EMCN: variants seen among roughly 807,000 people sequenced by gnomAD.
EMCN encodes MUC-14.
Under a neutral mutation model 38.4 loss-of-function variants are expected in EMCN, and 37 were observed. The observed-to-expected ratio is 0.96, with a 90% CI of 0.74 to 1.27. The LOEUF is 1.27. Among genes scored for constraint, EMCN ranks in the 50% most tolerant of loss-of-function variants. The probability of loss-of-function intolerance (pLI) is 0.00; values close to 1 mark genes in which losing one functional copy is unlikely to be tolerated. For synonymous variants in EMCN, 95 were observed against 100.8 expected, an observed-to-expected ratio of 0.94 and a Z score of 0.35; for missense variants, 318 against 302.8, an observed-to-expected ratio of 1.05 and a Z score of -0.37.
chr4:100,466,631 A>C (rs77614928), intron 3 of EMCN, among the ~76,000 whole-genome samples: 191 of 152,344 alleles, frequency 1.3e-3, no homozygotes, highest in African/African-American at 4.4e-3. Flanking sequence ...AAATAGCCAC[A>C]CATTTCAGAG....
intron 3 of EMCN, among the ~76,000 whole-genome samples, chr4:100,466,953 G>C (rs1279538231): frequency 6.6e-6 from 1 of 151,964 alleles, no homozygotes; most frequent in East Asian, 1.9e-4. Context: ...GAGTTCCCTA[G>C]TATCAAGCAG....
intron 3 of EMCN, 28 bp from the exon 4 acceptor site, chr4:100,465,567 A>C (rs573726420): frequency 1.6e-6 from 2 of 1,237,686 alleles, no homozygotes; most frequent in South Asian, 3.0e-5. Context: ...AGTCATCAGG[A>C]GTATAACAAA....
In EMCN at chr4:100,469,648, G is replaced by T. The variant is rs954336972; in HGVS notation, c.260-4109C>A. On this transcript the variant is annotated intron_variant, in intron 3 of 11. Coordinates refer to ENST00000296420, the MANE Select transcript of EMCN (RefSeq NM_016242.4). ...GGTACAGTTTTAATCTTCTGCATATGGCTAGCCAATTATTCCAGCTTCATT... is the reference window on the plus strand; with the variant it reads ...GGTACAGTTTTAATCTTCTGCATATTGCTAGCCAATTATTCCAGCTTCATT... Among the ~76,000 whole-genome samples, 22 of 61,262 alleles carry T rather than the reference G, an allele frequency of 3.6e-4. 5 individuals carry two copies. In the South Asian group the frequency reaches 5.1e-3, roughly 14 times the overall value. 40.2% of individuals were successfully genotyped at this position (61,262 alleles called of 152,430 possible). A position where few individuals can be genotyped will look rare whatever the true frequency, so the allele number is the denominator to read the frequency against.
intron 6 of EMCN, 110 bp from the exon 7 acceptor site, chr4:100,423,190 CAA>C: frequency 7.5e-7 from 1 of 1,332,486 alleles, no homozygotes; most frequent in African/African-American, 1.4e-5. Flanking sequence ...TATGATGCTG[CAA>C]GTGCAAAAGA....
chr4:100,404,451 C>G (rs1245845790), intron 11 of EMCN, among the ~76,000 whole-genome samples: 2 of 152,048 alleles, frequency 1.3e-5, no homozygotes, highest in African/African-American at 4.8e-5. Context: ...GTACTAGTTA[C>G]TGTAGAGTTG....
chr4:100,440,080 A>G (rs2110235743), intron 5 of EMCN, among the ~76,000 whole-genome samples: 1 of 152,280 alleles, frequency 6.6e-6, no homozygotes, highest in East Asian at 1.9e-4. Context: ...TGTGAACTAA[A>G]GAAAAATGTG....
At chr4:100,496,428 T>C (rs972627745) in intron 1 of EMCN, among the ~76,000 whole-genome samples, 1 of 152,212 alleles carries the variant, frequency 6.6e-6, no homozygotes, top group Non-Finnish European at 1.5e-5. Context: ...CAGAAATGTA[T>C]GTCCAAAACT....
At chr4:100,456,950 A>C (rs576754442) in intron 4 of EMCN, among the ~76,000 whole-genome samples, 1 of 152,212 alleles carries the variant, frequency 6.6e-6, no homozygotes. Flanking sequence ...TGTGTTTTTC[A>C]CTAAATGTTT....
rs575245052 is a variant in EMCN at position 100,489,797 on chromosome 4, A to G, written c.65-9758T>C. Among the ~76,000 whole-genome samples the G allele has an allele frequency of 8.1e-4, 124 of 152,276 alleles. 1 individual carries two copies. Among genetic ancestry groups the G allele is most frequent in the African/African-American group, 2.6e-3 (109 of 41,566 alleles). ...TGTGGATACGGAAGACCAGCTTTTCATATCTGTGGGCTCCACAAGGCCGAC... is the reference window on the plus strand; with the variant it reads ...TGTGGATACGGAAGACCAGCTTTTCGTATCTGTGGGCTCCACAAGGCCGAC... On this transcript the variant is annotated intron_variant, in intron 1 of 11. Coordinates refer to ENST00000296420, the MANE Select transcript of EMCN (RefSeq NM_016242.4).
chr4:100,416,650 A>G (rs1726743648), intron 9 of EMCN, among the ~76,000 whole-genome samples: 1 of 152,172 alleles, frequency 6.6e-6, no homozygotes, highest in Admixed American at 6.5e-5. Context: ...ATGAAAATCA[A>G]TTCATCATGT....
At chr4:100,404,576 G>A (rs1484264925) in intron 11 of EMCN, among the ~76,000 whole-genome samples, 2 of 152,006 alleles carry the variant, frequency 1.3e-5, no homozygotes, top group African/African-American at 4.8e-5. Context: ...CTGTGTGTCT[G>A]TTTTTGTATC....
chr4:100,410,171 C>A (rs1726511896), intron 11 of EMCN, 111 bp downstream of exon 11: 1 of 809,234 alleles, frequency 1.2e-6, no homozygotes, highest in Non-Finnish European at 2.0e-6. Context: ...TGCATTGACA[C>A]AAACCATTAG....
rs185935387 is a variant in EMCN at position 100,495,520 on chromosome 4, T to C, written c.65-15481A>G. Among the ~76,000 whole-genome samples, 3 of 152,238 alleles carry C rather than the reference T, an allele frequency of 2.0e-5. No individual in the cohort carries two copies. In the East Asian group the frequency reaches 5.8e-4, roughly 29 times the overall value. On this transcript the variant is annotated intron_variant, in intron 1 of 11. Transcript: ENST00000296420. ...ACTACCATTAGAACAGAGTTAACAT[T>C]TGTAAACTGATTTTTCTGGTTTTGA...
intron 9 of EMCN, among the ~76,000 whole-genome samples, 177 bp from the exon 10 acceptor site, chr4:100,416,136 A>C (rs1465165047): frequency 8.6e-5 from 13 of 151,508 alleles, no homozygotes; most frequent in Admixed American, 5.9e-4. Context: ...ATATATCTCC[A>C]TGGCAAGAAC....
At chr4:100,443,902 G>T (rs77929181) in intron 5 of EMCN, among the ~76,000 whole-genome samples, 50 of 152,326 alleles carry the variant, frequency 3.3e-4, no homozygotes, top group African/African-American at 1.2e-3. Context: ...GAGAATAGCT[G>T]TAATTTGGGA....
chr4:100,398,851 C>T (rs1182325137), intron 11 of EMCN, among the ~76,000 whole-genome samples: 3 of 152,156 alleles, frequency 2.0e-5, no homozygotes, highest in Admixed American at 6.6e-5. Flanking sequence ...CCTCTGACTT[C>T]TCTGCTTCTG....
chr4:100,462,709 C>T (rs781520731), intron 4 of EMCN, among the ~76,000 whole-genome samples: 52 of 152,244 alleles, frequency 3.4e-4, no homozygotes, highest in Admixed American at 5.9e-4. Flanking sequence ...ACCACTACTA[C>T]ACGAAAATGT....
chr4:100,442,396 G>T (rs1256224639), intron 5 of EMCN, among the ~76,000 whole-genome samples: 1 of 152,062 alleles, frequency 6.6e-6, no homozygotes, highest in Non-Finnish European at 1.5e-5. Flanking sequence ...TATTTTGGAG[G>T]GCCTTTGAGC....
intron 11 of EMCN, among the ~76,000 whole-genome samples, chr4:100,400,447 A>G (rs1442342082): frequency 6.6e-6 from 1 of 151,690 alleles, no homozygotes; most frequent in Admixed American, 6.6e-5. Flanking sequence ...TCACGTTATC[A>G]TGTCTGTCTT....
Sources: gnomAD v4.1 joint callset for allele counts (sites outside exome capture counted in the v4.1 genomes callset) on GRCh38, gnomAD v4.1.1 for gene constraint, MANE v1.5 for transcripts, NCBI Gene and HGNC (gene_info 2026-07-23, HGNC 2026-07-21) for gene names.